Variants in OPCML observed in about 807,000 individuals in gnomAD.
OPCML encodes the protein opioid-binding protein/cell adhesion molecule.
OPCML carries 13 observed loss-of-function variants against 37.8 expected under a neutral mutation model. That is an observed-to-expected ratio of 0.34 (90% CI 0.22 to 0.55). The LOEUF is 0.55. Ranked by LOEUF, OPCML falls within the 20% of genes least tolerant of loss-of-function variation. The pLI is 0.91. For synonymous variants in OPCML, 176 were observed against 168.8 expected, an observed-to-expected ratio of 1.04 and a Z score of -0.33; for missense variants, 341 against 435.6, an observed-to-expected ratio of 0.78 and a Z score of 1.93.
intron 2 of OPCML, among the ~76,000 whole-genome samples, chr11:132,933,484 GT>G (rs1354841884): frequency 5.3e-5 from 8 of 152,138 alleles, no homozygotes; most frequent in African/African-American, 1.9e-4. Flanking sequence ...CTCAACTAGG[GT>G]TCAAATGCCA....
chr11:133,438,787 G>A (rs903844702), intron 1 of OPCML, among the ~76,000 whole-genome samples: 3 of 152,154 alleles, frequency 2.0e-5, no homozygotes, highest in Admixed American at 2.0e-4. Flanking sequence ...AAGAGCTGGA[G>A]ATGAAGTTGA....
At chr11:133,279,560 CAGCTGCAGTTGCCCAG>C (rs1435567505) in intron 1 of OPCML, among the ~76,000 whole-genome samples, 2 of 152,200 alleles carry the variant, frequency 1.3e-5, no homozygotes, top group African/African-American at 2.4e-5. Flanking sequence ...GAGTTCCCTG[CAGCTGCAGTTGCCCAG>C]AGCTAAGGAC....
chr11:132,647,534 A>G (rs1941215665), intron 3 of OPCML, among the ~76,000 whole-genome samples: 1 of 152,226 alleles, frequency 6.6e-6, no homozygotes, highest in Non-Finnish European at 1.5e-5. Context: ...TATATTATAT[A>G]CTGTATTCAT....
chr11:132,656,270 A>C (rs1421207930), intron 3 of OPCML, among the ~76,000 whole-genome samples: 2 of 152,148 alleles, frequency 1.3e-5, no homozygotes. Context: ...ATGGTTCTCA[A>C]ATTCTTGGAA....
At chr11:132,868,809 G>T (rs1323256545) in intron 2 of OPCML, among the ~76,000 whole-genome samples, 3 of 152,164 alleles carry the variant, frequency 2.0e-5, no homozygotes, top group Non-Finnish European at 4.4e-5. Flanking sequence ...AGTGGATTTA[G>T]GCTGCCTTCT....
intron 4 of OPCML, among the ~76,000 whole-genome samples, chr11:132,444,002 C>A (rs572255327): frequency 3.9e-5 from 6 of 152,340 alleles, no homozygotes; most frequent in African/African-American, 1.2e-4. Context: ...GACAGTGGGA[C>A]TTGCACAGTA....
At chr11:132,939,840 C>T (rs1175502828) in intron 2 of OPCML, among the ~76,000 whole-genome samples, 2 of 152,196 alleles carry the variant, frequency 1.3e-5, no homozygotes, top group Non-Finnish European at 2.9e-5. Flanking sequence ...TTCAACCCAA[C>T]AGCAGATAAT....
chr11:132,475,484 C>A (rs532663764), intron 4 of OPCML, among the ~76,000 whole-genome samples: 1 of 152,018 alleles, frequency 6.6e-6, no homozygotes, highest in African/African-American at 2.4e-5. Flanking sequence ...TACAATGAGG[C>A]CATTAGGGTG....
chr11:132,621,715 A>G (rs551553570), intron 3 of OPCML, among the ~76,000 whole-genome samples: 23 of 152,338 alleles, frequency 1.5e-4, no homozygotes, highest in Admixed American at 3.3e-4. Context: ...CACATATATA[A>G]GTTCTCCTTG....
rs1021130367 is a variant in OPCML at position 132,424,765 on chromosome 11, A to C, written c.917-4472T>G. Among the ~76,000 whole-genome samples, 6 of 152,292 alleles carry C rather than the reference A, an allele frequency of 3.9e-5. No individual in the cohort carries two copies. In the East Asian group the frequency reaches 1.2e-3, roughly 29 times the overall value. On this transcript the variant is annotated intron_variant, in intron 7 of 7. Coordinates refer to ENST00000524381, the MANE Select transcript of OPCML (RefSeq NM_001012393.5). Reference sequence around the variant, plus strand: ...ATTGAAGGATGAACGTAATCAGTAGAGTGCCTGGTACAAAGTAGTCATGTG... The same window carrying C: ...ATTGAAGGATGAACGTAATCAGTAGCGTGCCTGGTACAAAGTAGTCATGTG...
intron 1 of OPCML, among the ~76,000 whole-genome samples, chr11:133,515,709 C>T (rs552976977): frequency 6.6e-6 from 1 of 151,984 alleles, no homozygotes; most frequent in African/African-American, 2.4e-5. Context: ...AAAGGAAGTA[C>T]CTTTACCACC....
rs1591951599 is a variant in OPCML, at chr11:133,050,165, C to T, written c.62-107155G>A. 2.6e-5 allele frequency among the ~76,000 whole-genome samples: 4 copies of T among 152,208 alleles called. No individual in the cohort carries two copies. In the South Asian group the frequency reaches 8.3e-4, roughly 32 times the overall value. ...CCTTCCTGGCTGCCACTTTTAGACA[C>T]TCAGCTTTAGCTCCTGCCCATTCTA... On this transcript the variant is annotated intron_variant, in intron 1 of 7. Transcript: ENST00000524381.
chr11:133,136,782 T>A (rs1235487184), intron 1 of OPCML, among the ~76,000 whole-genome samples: 2 of 151,626 alleles, frequency 1.3e-5, no homozygotes, highest in African/African-American at 4.9e-5. Flanking sequence ...ACCTAAAATG[T>A]TGGGCTTTGT....
At chr11:132,524,286 C>A (rs1361624970) in intron 4 of OPCML, among the ~76,000 whole-genome samples, 1 of 152,126 alleles carries the variant, frequency 6.6e-6, no homozygotes, top group Non-Finnish European at 1.5e-5. Flanking sequence ...CAATGTATTC[C>A]AATACACCTT....
At chr11:133,498,410 G>A (rs1452443180) in intron 1 of OPCML, among the ~76,000 whole-genome samples, 1 of 152,206 alleles carries the variant, frequency 6.6e-6, no homozygotes, top group Non-Finnish European at 1.5e-5. Flanking sequence ...GGCAGTGAAA[G>A]GACACAGACG....
chr11:132,755,827 T>C (rs564233275), intron 2 of OPCML, among the ~76,000 whole-genome samples: 7 of 152,256 alleles, frequency 4.6e-5, no homozygotes, highest in African/African-American at 1.4e-4. Context: ...TGAGTTACAG[T>C]TTTCTACACA....
At chr11:132,887,767 A>G (rs1391795704) in intron 2 of OPCML, among the ~76,000 whole-genome samples, 1 of 152,246 alleles carries the variant, frequency 6.6e-6, no homozygotes, top group African/African-American at 2.4e-5. Flanking sequence ...AACATAAGGG[A>G]TCGGCAGATT....
intron 1 of OPCML, among the ~76,000 whole-genome samples, chr11:133,084,035 G>A (rs1299706174): frequency 6.6e-6 from 1 of 152,056 alleles, no homozygotes; most frequent in Non-Finnish European, 1.5e-5. Flanking sequence ...TAACTAGATG[G>A]CAAATTCTTT....
intron 2 of OPCML, among the ~76,000 whole-genome samples, chr11:132,899,994 T>C (rs1591774883): frequency 1.3e-5 from 2 of 152,204 alleles, no homozygotes; most frequent in East Asian, 3.9e-4. Flanking sequence ...GGGTCCCCCA[T>C]ATGTAGACGG....
Sources: gnomAD v4.1 joint callset for allele counts (sites outside exome capture counted in the v4.1 genomes callset) on GRCh38, gnomAD v4.1.1 for gene constraint, MANE v1.5 for transcripts, NCBI Gene and HGNC (gene_info 2026-07-23, HGNC 2026-07-21) for gene names.